The following SERPINA4 variants were observed in gnomAD, a reference collection of about 807,000 sequenced individuals.
SERPINA4 encodes serpin family A member 4.
Under a neutral mutation model 25.4 loss-of-function variants are expected in SERPINA4, and 24 were observed. The ratio of observed to expected loss-of-function variants is 0.95; its 90% CI spans 0.69 to 1.33. The LOEUF is 1.33. Ranked by LOEUF, SERPINA4 falls within the 40% of genes most tolerant of loss-of-function variation. SERPINA4 has a pLI of 0.00. For missense variants in SERPINA4, 553 were observed against 535.8 expected (o/e 1.03, Z -0.32); for synonymous variants, 242 against 223.6 (o/e 1.08, Z -0.73).
chr14:94,567,251 G>A lies in SERPINA4; in HGVS notation c.923+8G>A. 1.2e-6 allele frequency: 2 copies of A among 1,610,346 alleles called. No individual in the cohort carries two copies. Among genetic ancestry groups the A allele is most frequent in the South Asian group, 2.2e-5 (2 of 90,502 alleles). ...CAACTTGTTGCGGAAGAGGTAATCA[G>A]TGTGCTATGGGGGCTGAATCTACAG... On this transcript the variant is annotated splice_region_variant and intron_variant, in intron 3 of 4. Coordinates refer to ENST00000557004, the MANE Select transcript of SERPINA4 (RefSeq NM_006215.4).
chr14:94,564,324 C>T lies in SERPINA4; in HGVS notation c.649+193C>T, dbSNP rs538260893. On this transcript the variant is annotated intron_variant, in intron 2 of 4. Transcript: ENST00000557004. ...CTCTGTAGTATTGAGGTTTCCATTC[C>T]TTCCTATCTTTAGACATATTTTCTT... Among the ~76,000 whole-genome samples, 8 of 152,292 alleles carry T rather than the reference C, an allele frequency of 5.3e-5. No individual in the cohort carries two copies. In the South Asian group the frequency reaches 1.7e-3, roughly 32 times the overall value.
At chr14:94,568,406 G>A in intron 4 of SERPINA4, 118 bp downstream of exon 4, 1 of 1,032,890 alleles carries the variant, frequency 9.7e-7, no homozygotes. Flanking sequence ...AGTGTGTTCA[G>A]TCATCTACAG....
At chr14:94,564,279 A>G in intron 2 of SERPINA4, 148 bp downstream of exon 2, 1 of 759,328 alleles carries the variant, frequency 1.3e-6, no homozygotes, top group Non-Finnish European at 2.2e-6. Context: ...ATGCAATGTG[A>G]GAATGTTGTA....
intron 4 of SERPINA4, among the ~76,000 whole-genome samples, chr14:94,568,889 A>G (rs975202256): frequency 2.0e-5 from 3 of 151,860 alleles, no homozygotes; most frequent in Non-Finnish European, 2.9e-5. Context: ...AAAAGAAAAA[A>G]TAGAGGAAAC....
intron 1 of SERPINA4, among the ~76,000 whole-genome samples, chr14:94,562,476 G>A (rs1347988421): frequency 2.0e-5 from 3 of 152,072 alleles, no homozygotes; most frequent in Non-Finnish European, 4.4e-5. Context: ...AAGGGTGCAT[G>A]CCTGTAGTTC....
At chr14:94,566,851 T>C (rs940246558) in intron 2 of SERPINA4, 119 bp from the exon 3 acceptor site, 16 of 1,195,718 alleles carry the variant, frequency 1.3e-5, no homozygotes, top group East Asian at 2.4e-5. Context: ...GATGGGCTCA[T>C]AGGGCAGGAT....
intron 1 of SERPINA4, among the ~76,000 whole-genome samples, chr14:94,562,385 C>T (rs977384056): frequency 6.6e-6 from 1 of 152,086 alleles, no homozygotes; most frequent in Admixed American, 6.5e-5. Context: ...TGGAGACCAG[C>T]TTGGGCAGCA....
intron 1 of SERPINA4, among the ~76,000 whole-genome samples, chr14:94,562,738 G>C (rs1186494295): frequency 1.3e-5 from 2 of 152,248 alleles, no homozygotes; most frequent in African/African-American, 4.8e-5. Context: ...GGGACCATTT[G>C]ATGGGGCAGG....
rs967688881 is a variant in SERPINA4, at chr14:94,568,131, A to T, written c.926A>T (p.Asn309Ile). 1.2e-6 allele frequency: 2 copies of T among 1,614,032 alleles called. No homozygotes were observed. The highest frequency in any genetic ancestry group is 2.7e-5 in the African/African-American group (2 of 74,912). Reference sequence around the variant, plus strand: ...TTCTAACTCAATGCCCCTTTCAGGAATTTTTACAAGAAGCTAGAGTTGCAT... The same window carrying T: ...TTCTAACTCAATGCCCCTTTCAGGATTTTTTACAAGAAGCTAGAGTTGCAT... Reference protein sequence around the residue: ...MRWNNLLRKRNFYKKLELHLP... With the variant: ...MRWNNLLRKRIFYKKLELHLP... The change falls in exon 4 of 5, where the codon AAT becomes ATT. Residue 309 changes from asparagine to isoleucine, a missense_variant and splice_region_variant. Physicochemically the swap from Asn to Ile is moderately radical, Grantham distance 149. Transcript: ENST00000557004.
In SERPINA4 at chr14:94,569,807, G is replaced by C. The variant is rs1003413315; in HGVS notation, c.*212G>C. The C allele has an allele frequency of 1.7e-6, 1 of 594,040 alleles. No homozygotes were observed. Among genetic ancestry groups the C allele is most frequent in the African/African-American group, 1.9e-5 (1 of 53,726 alleles). 36.8% of individuals were successfully genotyped at this position (594,040 alleles called of 1,614,324 possible). A position where few individuals can be genotyped will look rare whatever the true frequency, so the allele number is the denominator to read the frequency against. The stretch of plus-strand genomic sequence containing the variant: ...CCCTGGTGCTGTGCAGCCTCTGGCA[G>C]AGCATCCGACCTCTTGGAGCAAGTT... On this transcript the variant is annotated 3_prime_UTR_variant, in exon 5 of 5. Transcript: ENST00000557004.
At chr14:94,565,569 T>A (rs890239264) in intron 2 of SERPINA4, among the ~76,000 whole-genome samples, 1 of 152,022 alleles carries the variant, frequency 6.6e-6, no homozygotes, top group Non-Finnish European at 1.5e-5. Flanking sequence ...GTTTTGAGGC[T>A]GGGCATAGTG....
At chr14:94,568,031 A>T in intron 3 of SERPINA4, 98 bp from the exon 4 acceptor site, 2 of 1,242,790 alleles carry the variant, frequency 1.6e-6, no homozygotes, top group Non-Finnish European at 2.3e-6. Flanking sequence ...ACTCAGATGG[A>T]ATAGAGCCAG....
intron 2 of SERPINA4, among the ~76,000 whole-genome samples, chr14:94,565,691 C>CAAAAAAAAAA (rs10566829): frequency 7.1e-6 from 1 of 141,322 alleles, no homozygotes. Flanking sequence ...ACTAAAAATA[C>CAAAAAAAAAA]AAAAAAAAAA....
rs1359104393 is a variant in SERPINA4, at chr14:94,563,640, C to T, written c.158C>T (p.Pro53Leu). 1.2e-6 allele frequency: 2 copies of T among 1,613,922 alleles called. No homozygotes were observed. Among genetic ancestry groups the T allele is most frequent in the Admixed American group, 1.7e-5 (1 of 60,028 alleles). ...GGCTCCCCCAGCCTCAAGATAGCCC[C>T]TGCCAATGCTGACTTTGCCTTCCGC... ...GEGSPSLKIAPANADFAFRFY... is the reference protein window; with the variant it reads ...GEGSPSLKIALANADFAFRFY... The change falls in exon 2 of 5, where the codon CCT (proline) becomes CTT (leucine). Residue 53 changes from proline (P) to leucine (L), a missense_variant. Transcript: ENST00000557004.
At chr14:94,565,400 C>T (rs989662271) in intron 2 of SERPINA4, among the ~76,000 whole-genome samples, 5 of 152,140 alleles carry the variant, frequency 3.3e-5, no homozygotes, top group African/African-American at 4.8e-5. Context: ...CAATCTACTT[C>T]GAAATCTCAC....
At position 94,567,137 on chromosome 14, in the gene SERPINA4, G is replaced by A; in HGVS notation, c.817G>A (p.Asp273Asn). 6.2e-7 allele frequency: 1 copy of A among 1,614,200 alleles called. No homozygotes were observed. Among genetic ancestry groups the A allele is most frequent in the Non-Finnish European group, 8.5e-7 (1 of 1,180,048 alleles). ...GGTGCTACGGATGGATTACAAAGGA[G>A]ACGCAACCGTGTTTTTCATTCTCCC... is the stretch of plus-strand genomic sequence containing the variant. ...CSVLRMDYKG[D>N]ATVFFILPNQ... is the part of the protein sequence containing the mutation. The change falls in exon 3 of 5, where the codon GAC (aspartate) becomes AAC (asparagine). Residue 273 changes from aspartate (D) to asparagine (N), a missense_variant. Transcript: ENST00000557004.
intron 4 of SERPINA4, among the ~76,000 whole-genome samples, chr14:94,568,617 G>C (rs1478954493): frequency 6.6e-6 from 1 of 152,190 alleles, no homozygotes; most frequent in Non-Finnish European, 1.5e-5. Context: ...CATTTTGGGA[G>C]GCCAAGGCAG....
At chr14:94,566,348 C>T (rs1360389497) in intron 2 of SERPINA4, among the ~76,000 whole-genome samples, 3 of 152,198 alleles carry the variant, frequency 2.0e-5, no homozygotes, top group Non-Finnish European at 4.4e-5. Flanking sequence ...ATCCTACCTA[C>T]ATATCTCCAC....
chr14:94,564,572 C>T (rs1011185642), intron 2 of SERPINA4, among the ~76,000 whole-genome samples: 2 of 152,198 alleles, frequency 1.3e-5, no homozygotes, highest in African/African-American at 4.8e-5. Flanking sequence ...CAAACTACAG[C>T]CCATGGGCCA....
Sources: allele counts gnomAD v4.1 joint callset (sites outside exome capture counted in the v4.1 genomes callset), GRCh38; gene constraint gnomAD v4.1.1; transcripts MANE v1.5; gene names NCBI Gene and HGNC (gene_info 2026-07-23, HGNC 2026-07-21).